The following SLC45A3 variants were observed in gnomAD, a reference collection of about 807,000 sequenced individuals.
The protein encoded by SLC45A3 is prostate cancer associated protein 2.
A neutral mutation model predicts 35.3 loss-of-function variants in SLC45A3; 17 were observed. The observed-to-expected ratio is 0.48, with a 90% CI of 0.33 to 0.72. SLC45A3 has a LOEUF of 0.72. Ranked by LOEUF, SLC45A3 falls within the 30% of genes least tolerant of loss-of-function variation. The pLI is 0.02. For missense variants in SLC45A3, 597 were observed against 731.7 expected (o/e 0.82, Z 2.12); for synonymous variants, 288 against 334.3 (o/e 0.86, Z 1.51).
Position 205,669,356 on chromosome 1 carries a change from A to G in SLC45A3, c.-230-4470T>C, listed in dbSNP as rs1336230999. Among the ~76,000 whole-genome samples the G allele has an allele frequency of 6.6e-6, 1 of 152,178 alleles. No individual in the cohort carries two copies. The highest frequency in any genetic ancestry group is 1.5e-5 in the Non-Finnish European group (1 of 68,026). On this transcript the variant is annotated intron_variant, in intron 1 of 4. Transcript: ENST00000367145. This position sits in a 1 kb window ranked among gnomAD's most constrained non-coding sequence, Gnocchi z 4.1. ...AAATACAGAAGACAGAGTGGCAGAG[A>G]AGGAGGAAAGCTGACCCGAGCCCAC...
chr1:205,672,354 G>C (rs1166142938), intron 1 of SLC45A3, among the ~76,000 whole-genome samples: 1 of 152,180 alleles, frequency 6.6e-6, no homozygotes, highest in Non-Finnish European at 1.5e-5. Context: ...CTGCCTGCTG[G>C]AGGAAGGCTG....
rs1417770410 is a variant in SLC45A3, at chr1:205,662,498, A to G, written c.958+335T>C. On this transcript the variant is annotated intron_variant, in intron 3 of 4. Transcript: ENST00000367145. The surrounding 1 kb of genome is among the most constrained non-coding windows in gnomAD (Gnocchi z 6.2). ...AGATTATTTGGAAAGTCGTTGGGGG[A>G]GCAGAGGGCACACTGCGGCTGGAAC... 1.6e-6 allele frequency: 2 copies of G among 1,283,520 alleles called. No homozygotes were observed. The highest frequency in any genetic ancestry group is 2.0e-6 in the Non-Finnish European group (2 of 1,016,052). 79.5% of individuals were successfully genotyped at this position (1,283,520 alleles called of 1,614,324 possible).
intron 1 of SLC45A3, among the ~76,000 whole-genome samples, chr1:205,665,353 G>C (rs1417919706): frequency 6.6e-6 from 1 of 152,078 alleles, no homozygotes; most frequent in Admixed American, 6.5e-5. Flanking sequence ...TGCATTGCTT[G>C]GCCATGAGCC....
intron 1 of SLC45A3, among the ~76,000 whole-genome samples, chr1:205,675,158 G>A (rs771957678): frequency 1.1e-4 from 17 of 152,210 alleles, no homozygotes; most frequent in Non-Finnish European, 2.1e-4. Context: ...TGGCCTCTCC[G>A]TTGCCAGATT....
In SLC45A3 at chr1:205,663,492, A is replaced by G; in HGVS notation, c.299T>C (p.Leu100Pro). Residue 100 changes from leucine to proline, a missense_variant, in exon 3 of 5, where the codon CTC (leucine) becomes CCC (proline). Physicochemically the swap from Leu to Pro is moderately conservative, Grantham distance 98 (BLOSUM62 -3). This residue lies in a region of SLC45A3 where 555 missense variants were observed against 664.9 expected (regional missense o/e 0.83). Transcript: ENST00000367145. ...CCAGCCGGCCCTTGGGATGAGAAAG[A>G]GGCTCAGCAGGATGCCCAAGGACAG... ...WALSLGILLS[L>P]FLIPRAGWLA... The G allele has an allele frequency of 6.2e-7, 1 of 1,613,116 alleles. No individual in the cohort carries two copies. Among genetic ancestry groups the G allele is most frequent in the African/African-American group, 1.3e-5 (1 of 75,066 alleles).
rs554787764 is a variant in SLC45A3 at position 205,667,386 on chromosome 1, A to G, written c.-230-2500T>C. On this transcript the variant is annotated intron_variant, in intron 1 of 4. Transcript: ENST00000367145. ...GCTGGGCATGGTGGCGTGCGCCTAC[A>G]ATCCCAGCTACTCGGGAGGCTGAAG... Among the ~76,000 whole-genome samples the G allele has an allele frequency of 3.2e-3, 488 of 152,312 alleles. 1 individual carries two copies. Among genetic ancestry groups the G allele is most frequent in the African/African-American group, 0.011 (450 of 41,552 alleles).
At position 205,659,330 on chromosome 1, in the gene SLC45A3, G is replaced by A. The variant is rs141291475; in HGVS notation, c.1566C>T (p.Ala522=). 8.6e-4 allele frequency: 1,387 copies of A among 1,614,212 alleles called. 10 individuals carry two copies. In the African/African-American group the frequency reaches 0.015, roughly 17 times the overall value. The part of the protein sequence containing the change: ...SIVQLSQSVT[A]YMVSAAGLGL... ...CCAGGCCTGCGGCAGACACCATATA[G>A]GCAGTGACAGACTGGCTGAGCTGGA... Residue 522 remains alanine (A), a synonymous_variant, in exon 5 of 5, where the codon GCC becomes GCT. Transcript: ENST00000367145. This position sits in a 1 kb window ranked among gnomAD's most constrained non-coding sequence, Gnocchi z 5.8.
intron 1 of SLC45A3, among the ~76,000 whole-genome samples, chr1:205,679,685 AAC>A (rs55762304): frequency 0.37 from 51,349 of 138,546 alleles, 11,135 homozygotes; most frequent in Non-Finnish European, 0.51. Context: ...GGGACACAGT[AAC>A]ACACACACAC....
intron 1 of SLC45A3, among the ~76,000 whole-genome samples, chr1:205,674,806 C>T (rs562316889): frequency 1.8e-3 from 271 of 151,962 alleles, no homozygotes; most frequent in South Asian, 6.7e-3. Flanking sequence ...ACCTCTGCCT[C>T]CCGGATTCAA....
rs1671166274 is a variant in SLC45A3, at chr1:205,669,227, C to T, written c.-230-4341G>A. 6.6e-6 allele frequency among the ~76,000 whole-genome samples: 1 copy of T among 152,130 alleles called. No individual in the cohort carries two copies. Among genetic ancestry groups the T allele is most frequent in the African/African-American group, 2.4e-5 (1 of 41,394 alleles). The stretch of plus-strand genomic sequence containing the variant: ...AAGGTGGTGAGTGGCTCAGATAAAC[C>T]CTCCTGGACTGGAAAGCCCCCACTT... On this transcript the variant is annotated intron_variant, in intron 1 of 4. Coordinates refer to ENST00000367145, the MANE Select transcript of SLC45A3 (RefSeq NM_033102.3). The surrounding 1 kb of genome is among the most constrained non-coding windows in gnomAD (Gnocchi z 4.1).
intron 4 of SLC45A3, among the ~76,000 whole-genome samples, chr1:205,661,550 A>G (rs1271149719): frequency 2.0e-5 from 3 of 152,208 alleles, no homozygotes; most frequent in South Asian, 2.1e-4. Flanking sequence ...CTCTCCATAG[A>G]ACAACCAGCC....
chr1:205,662,055 G>A lies in SLC45A3; in HGVS notation c.1030C>T (p.Arg344Trp), dbSNP rs539084533. Residue 344 changes from arginine (R) to tryptophan (W), a missense_variant, in exon 4 of 5, where the codon CGG becomes TGG. Transcript: ENST00000367145. The surrounding 1 kb of genome is among the most constrained non-coding windows in gnomAD (Gnocchi z 6.2). ...ISLVFSLVMD[R>W]LVQRFGTRAV... ...CGAGTGCCGAATCGCTGCACCAGCC[G>A]GTCCATGACCAGAGAGAAGACCAGG... 9.3e-6 allele frequency: 15 copies of A among 1,614,114 alleles called. No homozygotes were observed. Among genetic ancestry groups the A allele is most frequent in the South Asian group, 2.2e-5 (2 of 91,082 alleles).
In SLC45A3 at chr1:205,662,682, G is replaced by A. The variant is rs1271639876; in HGVS notation, c.958+151C>T. 1.8e-5 allele frequency: 25 copies of A among 1,422,526 alleles called. No individual in the cohort carries two copies. The highest frequency in any genetic ancestry group is 8.7e-5 in the Admixed American group (3 of 34,664). The allele number at this position is 1,422,526 out of a possible 1,614,324, so 88.1% of individuals were successfully genotyped here. ...GCAAGCAGAGATGTTCCACACCCAT[G>A]AGAAGCCGTGTATGCAGATGGGGTC... On this transcript the variant is annotated intron_variant, in intron 3 of 4. Coordinates refer to ENST00000367145, the MANE Select transcript of SLC45A3 (RefSeq NM_033102.3). The surrounding 1 kb of genome is among the most constrained non-coding windows in gnomAD (Gnocchi z 6.2).
rs1223066550 is a variant in SLC45A3, at chr1:205,658,233, G to T, written c.*1001C>A. Reference sequence around the variant, plus strand: ...AGCCCAGTCCTAGAGAGAGTAGAGGGGAGTGGAAGTGGGGGGAACCAGGCT... The same window carrying T: ...AGCCCAGTCCTAGAGAGAGTAGAGGTGAGTGGAAGTGGGGGGAACCAGGCT... On this transcript the variant is annotated 3_prime_UTR_variant, in exon 5 of 5. Coordinates refer to ENST00000367145, the MANE Select transcript of SLC45A3 (RefSeq NM_033102.3). 2 of 232,802 alleles carry T rather than the reference G, an allele frequency of 8.6e-6. No homozygotes were observed. The highest frequency in any genetic ancestry group is 1.7e-5 in the Non-Finnish European group (2 of 117,814). The allele number at this position is 232,802 out of a possible 1,614,324, so 14.4% of individuals were successfully genotyped here. A position where few individuals can be genotyped will look rare whatever the true frequency, so the allele number is the denominator to read the frequency against.
intron 1 of SLC45A3, among the ~76,000 whole-genome samples, chr1:205,675,806 C>T (rs1384372401): frequency 6.6e-6 from 1 of 152,172 alleles, no homozygotes; most frequent in African/African-American, 2.4e-5. Flanking sequence ...CTCACACCTC[C>T]TCCACAGCCC....
intron 1 of SLC45A3, among the ~76,000 whole-genome samples, chr1:205,675,662 C>T (rs1010995537): frequency 9.2e-5 from 14 of 152,034 alleles, no homozygotes; most frequent in African/African-American, 2.7e-4. Context: ...ATTCAGCATA[C>T]CTCCATGGGC....
At position 205,659,678 on chromosome 1, in the gene SLC45A3, C is replaced by T. The variant is rs780750978; in HGVS notation, c.1225-7G>A. 7.2e-6 allele frequency: 11 copies of T among 1,520,036 alleles called. No individual in the cohort carries two copies. The East Asian group carries it at 2.5e-4, about 34-fold the overall frequency. The allele number at this position is 1,520,036 out of a possible 1,614,324, so 94.2% of individuals were successfully genotyped here. A position where few individuals can be genotyped will look rare whatever the true frequency, so the allele number is the denominator to read the frequency against. ...GGTATTTGGGCAGGAACACCTAAGG[C>T]AGAGGGGTGAAGAAAAGGGGAAGAG... On this transcript the variant is annotated splice_polypyrimidine_tract_variant and splice_region_variant and intron_variant, in intron 4 of 4. Coordinates refer to ENST00000367145, the MANE Select transcript of SLC45A3 (RefSeq NM_033102.3). The surrounding 1 kb of genome is among the most constrained non-coding windows in gnomAD (Gnocchi z 5.8).
chr1:205,671,824 C>A (rs1210503688), intron 1 of SLC45A3, among the ~76,000 whole-genome samples: 1 of 151,850 alleles, frequency 6.6e-6, no homozygotes, highest in Admixed American at 6.6e-5. Flanking sequence ...CGAGATCATG[C>A]CACACTGCAC....
At chr1:205,665,006 C>T in intron 1 of SLC45A3, 120 bp from the exon 2 acceptor site, 1 of 964,908 alleles carries the variant, frequency 1.0e-6, no homozygotes. Context: ...GGCCCTGTCA[C>T]CGAGGTGCCA....
Sources: allele counts gnomAD v4.1 joint callset (sites outside exome capture counted in the v4.1 genomes callset), GRCh38; gene constraint gnomAD v4.1.1; regional missense constraint gnomAD v4.1.1; non-coding constraint Gnocchi (gnomAD v3.1); transcripts MANE v1.5; gene names NCBI Gene and HGNC (gene_info 2026-07-23, HGNC 2026-07-21).